MAD1L1: variants seen among roughly 807,000 people sequenced by gnomAD.
MAD1L1 encodes the protein mitotic spindle assembly checkpoint protein MAD1.
MAD1L1 carries 95 observed loss-of-function variants against 96.9 expected under a neutral mutation model. The ratio of observed to expected loss-of-function variants is 0.98; its 90% confidence interval spans 0.83 to 1.16. The LOEUF (loss-of-function observed/expected upper bound fraction) is 1.16. Ranked by LOEUF, MAD1L1 falls within the 50% of genes most tolerant of loss-of-function variation. MAD1L1 has a pLI of 0.00. For missense variants in MAD1L1, 1,007 were observed against 954.4 expected (o/e 1.06, Z -0.73); for synonymous variants, 473 against 396.6 (o/e 1.19, Z -2.29).
intron 15 of MAD1L1, among the ~76,000 whole-genome samples, chr7:1,966,741 G>C (rs943767956): frequency 6.6e-6 from 1 of 152,194 alleles, no homozygotes; most frequent in Non-Finnish European, 1.5e-5. Context: ...ACAGCGATTC[G>C]AGCGTCTGCA....
At chr7:2,129,723 G>A (rs764770554) in intron 11 of MAD1L1, among the ~76,000 whole-genome samples, 6 of 152,186 alleles carry the variant, frequency 3.9e-5, no homozygotes, top group Non-Finnish European at 8.8e-5. Flanking sequence ...AAAAACAAAT[G>A]CAGTTATTTT....
intron 18 of MAD1L1, among the ~76,000 whole-genome samples, chr7:1,866,882 C>A (rs892709401): frequency 6.6e-6 from 1 of 152,208 alleles, no homozygotes; most frequent in Non-Finnish European, 1.5e-5. Flanking sequence ...GCTGGCTGGG[C>A]CAGGCTCCTG....
chr7:2,175,511 A>C (rs968080339), intron 10 of MAD1L1: 15 of 152,030 alleles, frequency 9.9e-5, no homozygotes, highest in African/African-American at 2.9e-4. Context: ...AAAAAAAAAA[A>C]AAAAAACCCA....
intron 10 of MAD1L1, among the ~76,000 whole-genome samples, chr7:2,149,867 A>C (rs144991778): frequency 1.3e-5 from 2 of 152,350 alleles, no homozygotes; most frequent in Non-Finnish European, 2.9e-5. Flanking sequence ...GGGACTCCGG[A>C]GGACACAGCA....
intron 17 of MAD1L1, among the ~76,000 whole-genome samples, chr7:1,916,217 G>A (rs763348670): frequency 3.9e-5 from 6 of 152,172 alleles, no homozygotes; most frequent in African/African-American, 7.2e-5. Flanking sequence ...CTCGGAAACC[G>A]TAAGGCAGCT....
intron 18 of MAD1L1, among the ~76,000 whole-genome samples, chr7:1,873,043 C>T (rs1350594419): frequency 1.3e-5 from 2 of 152,246 alleles, no homozygotes; most frequent in Non-Finnish European, 2.9e-5. Context: ...GGGCCCAGCC[C>T]AGCAATGACG....
chr7:2,149,853 C>T (rs1042489789), intron 10 of MAD1L1, among the ~76,000 whole-genome samples: 2 of 152,218 alleles, frequency 1.3e-5, no homozygotes, highest in Non-Finnish European at 2.9e-5. Context: ...TCTAACTCAA[C>T]GCTGGGACTC....
intron 18 of MAD1L1, among the ~76,000 whole-genome samples, chr7:1,833,534 C>G (rs1419496531): frequency 6.6e-6 from 1 of 152,212 alleles, no homozygotes. Context: ...AAAATGTCAG[C>G]TACTTGACAT....
At chr7:1,853,503 A>G (rs952074735) in intron 18 of MAD1L1, among the ~76,000 whole-genome samples, 1 of 152,188 alleles carries the variant, frequency 6.6e-6, no homozygotes, top group African/African-American at 2.4e-5. Flanking sequence ...GCTTAGCACC[A>G]GTGTCCTCCT....
intron 16 of MAD1L1, among the ~76,000 whole-genome samples, chr7:1,944,404 G>A (rs1380690332): frequency 2.6e-5 from 4 of 152,170 alleles, no homozygotes; most frequent in East Asian, 3.8e-4. Flanking sequence ...ATGGCGGGCC[G>A]GGTGGGGAGT....
At chr7:2,090,887 A>T (rs1236652595) in intron 11 of MAD1L1, among the ~76,000 whole-genome samples, 2 of 152,168 alleles carry the variant, frequency 1.3e-5, no homozygotes, top group Non-Finnish European at 1.5e-5. Flanking sequence ...GGCCTACCCT[A>T]GGGGGATTAA....
chr7:2,112,367 G>A (rs545555340), intron 11 of MAD1L1, among the ~76,000 whole-genome samples: 1 of 152,198 alleles, frequency 6.6e-6, no homozygotes, highest in African/African-American at 2.4e-5. Flanking sequence ...TAAACCTAAG[G>A]GAACCACAAA....
chr7:1,842,401 G>A (rs771994622), intron 18 of MAD1L1, among the ~76,000 whole-genome samples: 2 of 152,252 alleles, frequency 1.3e-5, no homozygotes, highest in Non-Finnish European at 2.9e-5. Context: ...CCCGGCCTCA[G>A]CCGTCACAGC....
intron 10 of MAD1L1, among the ~76,000 whole-genome samples, chr7:2,199,100 T>C (rs1253788863): frequency 2.0e-5 from 3 of 152,182 alleles, no homozygotes; most frequent in African/African-American, 7.2e-5. Context: ...CTGAGAAAGA[T>C]GCGCAACTCC....
chr7:1,990,491 C>T (rs1396943060), intron 14 of MAD1L1, among the ~76,000 whole-genome samples: 2 of 152,246 alleles, frequency 1.3e-5, no homozygotes, highest in Non-Finnish European at 2.9e-5. Context: ...GGACAGCCCC[C>T]TTGGCTCACC....
chr7:2,174,980 C>G (rs1411821696), intron 10 of MAD1L1: 2 of 152,188 alleles, frequency 1.3e-5, no homozygotes, highest in Non-Finnish European at 2.9e-5. Flanking sequence ...GACTTCAGTA[C>G]CTTTCTGTCC....
At chr7:2,203,749 G>A (rs1792438106) in intron 10 of MAD1L1, among the ~76,000 whole-genome samples, 1 of 152,174 alleles carries the variant, frequency 6.6e-6, no homozygotes, top group Non-Finnish European at 1.5e-5. Context: ...AAAGGTGATG[G>A]GAGTACATAA....
intron 16 of MAD1L1, among the ~76,000 whole-genome samples, chr7:1,940,914 G>C (rs547693075): frequency 1.9e-4 from 6 of 32,310 alleles, no homozygotes; most frequent in African/African-American, 5.5e-4. Flanking sequence ...CTCTGACCCA[G>C]AGCAGTGAGA....
intron 12 of MAD1L1, among the ~76,000 whole-genome samples, chr7:2,055,387 A>G (rs1268546955): frequency 6.6e-6 from 1 of 152,010 alleles, no homozygotes; most frequent in African/African-American, 2.4e-5. Context: ...GGCCTCTGCC[A>G]CCCCTGACAG....
Sources: gnomAD v4.1 joint callset for allele counts (sites outside exome capture counted in the v4.1 genomes callset) on GRCh38, gnomAD v4.1.1 for gene constraint, MANE v1.5 for transcripts, NCBI Gene and HGNC (gene_info 2026-07-23, HGNC 2026-07-21) for gene names.